GAD2: variants seen among roughly 807,000 people sequenced by gnomAD.
GAD2 encodes the protein glutamate decarboxylase 2, also known as 65 kDa glutamic acid decarboxylase.
GAD2 carries 22 observed loss-of-function variants against 80.1 expected under a neutral mutation model. The ratio of observed to expected loss-of-function variants is 0.27; its 90% CI spans 0.20 to 0.39. The LOEUF (loss-of-function observed/expected upper bound fraction) is 0.39, where lower values mean the gene tolerates loss of function less well. Ranked by LOEUF, GAD2 falls within the 10% of genes least tolerant of loss-of-function variation. The pLI is 1.00. For synonymous variants in GAD2, 274 were observed against 256.9 expected (o/e 1.07, Z -0.64); for missense variants, 624 against 738.4 (o/e 0.85, Z 1.80).
Position 26,301,873 on chromosome 10 carries a change from C to T in GAD2, c.*912C>T, listed in dbSNP as rs1834332844. 1 of 152,192 alleles carries T rather than the reference C, an allele frequency of 6.6e-6. No homozygotes were observed. The highest frequency in any genetic ancestry group is 6.5e-5 in the Admixed American group (1 of 15,276). The allele number at this position is 152,192 out of a possible 1,614,324, so 9.4% of individuals were successfully genotyped here. ...TCTCAGATTAAATTAGGGTAATTGT[C>T]TCTATTCTGCTTTCCAGTTCGGCCT... On this transcript the variant is annotated 3_prime_UTR_variant, in exon 16 of 16. Coordinates refer to ENST00000376261, the MANE Select transcript of GAD2 (RefSeq NM_001134366.2).
At chr10:26,229,521 G>A (rs1844571861) in intron 6 of GAD2, 141 bp from the exon 7 acceptor site, 13 of 623,730 alleles carry the variant, frequency 2.1e-5, no homozygotes, top group Non-Finnish European at 3.7e-5. Flanking sequence ...CTTTGAGTCT[G>A]AGGATTCAGT....
chr10:26,296,349 T>C (rs955202351), intron 15 of GAD2, among the ~76,000 whole-genome samples: 4 of 152,206 alleles, frequency 2.6e-5, no homozygotes, highest in Non-Finnish European at 5.9e-5. Flanking sequence ...GGAAACAACA[T>C]TTAGGAAACC....
At chr10:26,280,973 G>A in intron 11 of GAD2, 36 bp from the exon 12 acceptor site, 1 of 1,515,490 alleles carries the variant, frequency 6.6e-7, no homozygotes, top group Non-Finnish European at 9.2e-7. Context: ...CTGTCAGGGT[G>A]GAGTGCCACC....
At chr10:26,280,579 A>C (rs941271635) in intron 11 of GAD2, among the ~76,000 whole-genome samples, 3 of 152,140 alleles carry the variant, frequency 2.0e-5, no homozygotes, top group Non-Finnish European at 4.4e-5. Context: ...GGGTAACTGA[A>C]TAGGATGGGA....
intron 3 of GAD2, 64 bp downstream of exon 3, chr10:26,218,055 C>T (rs1014360676): frequency 8.7e-6 from 13 of 1,497,508 alleles, no homozygotes; most frequent in South Asian, 1.3e-5. Flanking sequence ...CCACCGCGGC[C>T]GGTGCGGGTC....
intron 7 of GAD2, among the ~76,000 whole-genome samples, chr10:26,236,684 G>A (rs1844676532): frequency 6.6e-6 from 1 of 152,174 alleles, no homozygotes; most frequent in East Asian, 1.9e-4. Context: ...TTTAAACAGT[G>A]ACCTGTTTGG....
chr10:26,301,242 C>T lies in GAD2; in HGVS notation c.*281C>T. ...CTTCCCTTACTTTTAATATAGTGTG[C>T]AAAGCAAACTTTATTTTCACTTCAG... On this transcript the variant is annotated 3_prime_UTR_variant, in exon 16 of 16. Transcript: ENST00000376261. 1 of 288,698 alleles carries T rather than the reference C, an allele frequency of 3.5e-6. No individual in the cohort carries two copies. Among genetic ancestry groups the T allele is most frequent in the Admixed American group, 4.5e-5 (1 of 22,402 alleles). 17.9% of individuals were successfully genotyped at this position (288,698 alleles called of 1,614,324 possible).
chr10:26,255,581 G>C (rs1231681191), intron 8 of GAD2, among the ~76,000 whole-genome samples: 1 of 135,802 alleles, frequency 7.4e-6, no homozygotes, highest in African/African-American at 3.1e-5. Context: ...CCACTAGAGA[G>C]GAAATGTGAA....
At chr10:26,263,736 G>A (rs12258214) in intron 8 of GAD2, among the ~76,000 whole-genome samples, 2,648 of 152,214 alleles carry the variant, frequency 0.017, 71 homozygotes, top group African/African-American at 0.061. Flanking sequence ...CTGCTATTGC[G>A]TTTGAATGCT....
chr10:26,224,827 T>C, intron 6 of GAD2, 176 bp downstream of exon 6: 1 of 574,578 alleles, frequency 1.7e-6, no homozygotes, highest in African/African-American at 1.9e-5. Context: ...GCCTCCAAGC[T>C]AAGTAACCCA....
At chr10:26,250,321 T>C (rs552180787) in intron 8 of GAD2, among the ~76,000 whole-genome samples, 2 of 152,328 alleles carry the variant, frequency 1.3e-5, no homozygotes, top group East Asian at 3.9e-4. Flanking sequence ...TCAACAATTT[T>C]AGAAGTCATT....
At chr10:26,233,585 A>G (rs1242733903) in intron 7 of GAD2, among the ~76,000 whole-genome samples, 1 of 152,182 alleles carries the variant, frequency 6.6e-6, no homozygotes, top group Non-Finnish European at 1.5e-5. Flanking sequence ...GACCTCAGAC[A>G]TTATTTTCAA....
Position 26,270,763 on chromosome 10 carries a change from A to G in GAD2, c.1092+7A>G, listed in dbSNP as rs766773842. 1.3e-6 allele frequency: 2 copies of G among 1,565,400 alleles called. No homozygotes were observed. The highest frequency in any genetic ancestry group is 1.1e-5 in the South Asian group (1 of 90,172). On this transcript the variant is annotated splice_region_variant and intron_variant, in intron 10 of 15. Coordinates refer to ENST00000376261, the MANE Select transcript of GAD2 (RefSeq NM_001134366.2). ...GATCTGGATGCATGTGGATGTAAGTATCCCTTAGGGACTGGCCACTAAAAC... is the reference window on the plus strand; with the variant it reads ...GATCTGGATGCATGTGGATGTAAGTGTCCCTTAGGGACTGGCCACTAAAAC...
Position 26,217,988 on chromosome 10 carries a change from A to G in GAD2, c.283A>G (p.Thr95Ala), listed in dbSNP as rs930220372. ...VDVNYAFLHA[T>A]DLLPACDGER... ...TGTCAACTACGCGTTTCTCCATGCA[A>G]CAGGTAAAGACTCAGCGGGGAGCCC... Residue 95 changes from threonine to alanine, a missense_variant, in exon 3 of 16, where the codon ACA becomes GCA. Transcript: ENST00000376261. This position sits in a 1 kb window ranked among gnomAD's most constrained non-coding sequence, Gnocchi z 4.9. The G allele has an allele frequency of 6.2e-7, 1 of 1,602,348 alleles. No individual in the cohort carries two copies. Among genetic ancestry groups the G allele is most frequent in the Admixed American group, 1.7e-5 (1 of 58,356 alleles).
chr10:26,265,591 C>T (rs1188194559), intron 8 of GAD2, among the ~76,000 whole-genome samples: 1 of 152,144 alleles, frequency 6.6e-6, no homozygotes, highest in African/African-American at 2.4e-5. Flanking sequence ...TTCAATGGCC[C>T]TGACTTTAGT....
intron 15 of GAD2, among the ~76,000 whole-genome samples, chr10:26,295,507 T>TACACACACACACACACAC (rs1834264072): frequency 1.7e-5 from 1 of 59,542 alleles, no homozygotes; most frequent in African/African-American, 1.7e-4. Context: ...TTCATACGCA[T>TACACACACACACACACAC]GCACACACAC....
intron 15 of GAD2, among the ~76,000 whole-genome samples, chr10:26,295,325 A>G (rs1834261315): frequency 6.6e-6 from 1 of 152,190 alleles, no homozygotes; most frequent in South Asian, 2.1e-4. Context: ...CTCCAATTTT[A>G]TTACTGTAAT....
chr10:26,258,953 G>T (rs117251083), intron 8 of GAD2, among the ~76,000 whole-genome samples: 296 of 152,102 alleles, frequency 1.9e-3, no homozygotes, highest in Non-Finnish European at 2.0e-3. Context: ...ACTTAGCTGG[G>T]ACTACAGGTG....
At chr10:26,253,542 C>T (rs1358317974) in intron 8 of GAD2, among the ~76,000 whole-genome samples, 1 of 152,148 alleles carries the variant, frequency 6.6e-6, no homozygotes, top group Admixed American at 6.5e-5. Flanking sequence ...TCCCAAATAT[C>T]CAGTCAAGGG....
Sources: allele counts gnomAD v4.1 joint callset (sites outside exome capture counted in the v4.1 genomes callset), GRCh38; gene constraint gnomAD v4.1.1; non-coding constraint Gnocchi (gnomAD v3.1); transcripts MANE v1.5; gene names NCBI Gene and HGNC (gene_info 2026-07-23, HGNC 2026-07-21).